SRP72: variants seen among roughly 807,000 people sequenced by gnomAD.
The protein encoded by SRP72 is signal recognition particle 72.
In SRP72, 49 loss-of-function variants were observed where a neutral mutation model predicts 96.3. The ratio of observed to expected loss-of-function variants is 0.51; its 90% CI spans 0.40 to 0.65. The LOEUF is 0.65. Ranked by LOEUF, SRP72 falls within the 30% of genes least tolerant of loss-of-function variation. SRP72 has a pLI of 0.00. For missense variants in SRP72, 736 were observed against 793.3 expected (o/e 0.93, Z 0.87); for synonymous variants, 267 against 275.2 (o/e 0.97, Z 0.30).
At position 56,487,953 on chromosome 4, in the gene SRP72, T is replaced by C; in HGVS notation, c.1164T>C (p.Asn388=). 6.3e-7 allele frequency: 1 copy of C among 1,597,848 alleles called. No individual in the cohort carries two copies. Among genetic ancestry groups the C allele is most frequent in the African/African-American group, 1.3e-5 (1 of 74,164 alleles). ...GATTTTGTTTATTCTCCTAAGGTAATATTTCTAAAGCATGTCTAATATTGA... is the reference window on the plus strand; with the variant it reads ...GATTTTGTTTATTCTCCTAAGGTAACATTTCTAAAGCATGTCTAATATTGA... ...TMAQLKISQG[N]ISKACLILRS... Residue 388 remains asparagine, a synonymous_variant, in exon 12 of 19, where the codon AAT becomes AAC. Coordinates refer to ENST00000642900, the MANE Select transcript of SRP72 (RefSeq NM_006947.4).
chr4:56,497,102 T>A (rs1253126861), intron 17 of SRP72, among the ~76,000 whole-genome samples: 1 of 152,208 alleles, frequency 6.6e-6, no homozygotes, highest in Admixed American at 6.5e-5. Context: ...TATAAAATTG[T>A]TTTGAACATA....
At chr4:56,482,835 C>G (rs986734427) in intron 8 of SRP72, among the ~76,000 whole-genome samples, 1 of 152,090 alleles carries the variant, frequency 6.6e-6, no homozygotes, top group Admixed American at 6.6e-5. Flanking sequence ...TTCTTTAAAG[C>G]AGTTCACTTG....
intron 11 of SRP72, among the ~76,000 whole-genome samples, chr4:56,487,106 C>T (rs559987100): frequency 6.6e-6 from 1 of 152,270 alleles, no homozygotes; most frequent in African/African-American, 2.4e-5. Context: ...ACATTTATAT[C>T]ATCACAAAAA....
At chr4:56,487,288 A>G (rs1352084942) in intron 11 of SRP72, among the ~76,000 whole-genome samples, 1 of 152,162 alleles carries the variant, frequency 6.6e-6, no homozygotes, top group Non-Finnish European at 1.5e-5. Context: ...AATAATGAAA[A>G]TAAGGTTGAG....
chr4:56,479,408 C>T (rs1003766872), intron 8 of SRP72, among the ~76,000 whole-genome samples: 1 of 151,990 alleles, frequency 6.6e-6, no homozygotes, highest in Non-Finnish European at 1.5e-5. Flanking sequence ...CTCATTCTCC[C>T]GACCTCGTGA....
At chr4:56,485,400 C>CA (rs59208269) in intron 10 of SRP72, among the ~76,000 whole-genome samples, 3,694 of 92,300 alleles carry the variant, frequency 0.04, 105 homozygotes, top group African/African-American at 0.093. Context: ...CTCCCCACAG[C>CA]AAAAAAAAAA....
At chr4:56,484,270 G>A (rs1267833785) in intron 9 of SRP72, among the ~76,000 whole-genome samples, 1 of 151,760 alleles carries the variant, frequency 6.6e-6, no homozygotes, top group African/African-American at 2.4e-5. Flanking sequence ...TCCTGACCTC[G>A]TGATCTGCCC....
At position 56,469,734 on chromosome 4, in the gene SRP72, C is replaced by CT. The variant is rs1371504100; in HGVS notation, c.194dup (p.Leu65PhefsTer14). 6.2e-7 allele frequency: 1 copy of CT among 1,612,462 alleles called. No individual in the cohort carries two copies. Among genetic ancestry groups the CT allele is most frequent in the African/African-American group, 1.3e-5 (1 of 74,916 alleles). On this transcript the variant is annotated frameshift_variant, in exon 2 of 19. Coordinates refer to ENST00000642900, the MANE Select transcript of SRP72 (RefSeq NM_006947.4). LOFTEE classifies it high-confidence loss of function. The stretch of plus-strand genomic sequence containing the variant: ...ATCCAGAATGGAAGTTTCAAGGAAG[C>CT]TTTGAATGTCATCAATACTCACACC...
chr4:56,481,147 A>T (rs1472012086), intron 8 of SRP72, among the ~76,000 whole-genome samples: 2 of 152,238 alleles, frequency 1.3e-5, no homozygotes, highest in East Asian at 3.8e-4. Flanking sequence ...ATTGATTTAT[A>T]TGAAAGGCAG....
chr4:56,491,699 G>C (rs1720914126), intron 16 of SRP72, 131 bp downstream of exon 16: 2 of 885,234 alleles, frequency 2.3e-6, no homozygotes, highest in East Asian at 2.7e-5. Flanking sequence ...TTCTCTCACT[G>C]TGCCCAGCTC....
At chr4:56,497,413 G>A (rs1721115812) in intron 17 of SRP72, among the ~76,000 whole-genome samples, 1 of 151,632 alleles carries the variant, frequency 6.6e-6, no homozygotes, top group African/African-American at 2.4e-5. Flanking sequence ...TAGAGACGGG[G>A]TTTCACCATG....
At position 56,500,596 on chromosome 4, in the gene SRP72, T is replaced by C. The variant is rs770285021; in HGVS notation, c.1739T>C (p.Met580Thr). 17 of 1,613,756 alleles carry C rather than the reference T, an allele frequency of 1.1e-5. No homozygotes were observed. Among genetic ancestry groups the C allele is most frequent in the Admixed American group, 1.7e-5 (1 of 59,980 alleles). The change falls in exon 18 of 19, where the codon ATG (methionine) becomes ACG (threonine). Residue 580 changes from methionine to threonine, a missense_variant. This residue lies in a region of SRP72 where 388 missense variants were observed against 431.8 expected (regional missense o/e 0.90). Transcript: ENST00000642900. The part of the protein sequence containing the change: ...VTPDPERWLP[M>T]RERSYYRGRK... ...CCAGATCCAGAAAGATGGCTGCCAATGCGAGAACGTTCTTACTACCGGGGA... is the reference window on the plus strand; with the variant it reads ...CCAGATCCAGAAAGATGGCTGCCAACGCGAGAACGTTCTTACTACCGGGGA...
chr4:56,480,615 A>T (rs1336689887), intron 8 of SRP72, among the ~76,000 whole-genome samples: 4 of 152,172 alleles, frequency 2.6e-5, no homozygotes, highest in African/African-American at 9.7e-5. Context: ...AGCATGTGAG[A>T]TACTAAATAT....
Position 56,478,155 on chromosome 4 carries a change from T to A in SRP72, c.643-224T>A, listed in dbSNP as rs201153427. Reference sequence around the variant, plus strand: ...TCTTCTAGGATCTTTTTGCCTTTTCTTTTTTTTTTTTTTTTCTTTAGATAC... The same window carrying A: ...TCTTCTAGGATCTTTTTGCCTTTTCATTTTTTTTTTTTTTTCTTTAGATAC... On this transcript the variant is annotated intron_variant, in intron 6 of 18. Transcript: ENST00000642900. 0.079 allele frequency among the ~76,000 whole-genome samples: 10,642 copies of A among 134,636 alleles called. 339 individuals are homozygous for A. The highest frequency in any genetic ancestry group is 0.12 in the Middle Eastern group (31 of 258). 88.3% of individuals were successfully genotyped at this position (134,636 alleles called of 152,430 possible). A position where few individuals can be genotyped will look rare whatever the true frequency, so the allele number is the denominator to read the frequency against.
intron 3 of SRP72, among the ~76,000 whole-genome samples, chr4:56,473,533 C>T (rs1440433859): frequency 6.6e-6 from 1 of 151,474 alleles, no homozygotes; most frequent in East Asian, 1.9e-4. Flanking sequence ...CTTTGGGAGG[C>T]TGAGGTGGGC....
chr4:56,491,461 T>C lies in SRP72; in HGVS notation c.1533T>C (p.Ser511=). 1 of 1,613,936 alleles carries C rather than the reference T, an allele frequency of 6.2e-7. No homozygotes were observed. The change falls in exon 16 of 19, where the codon AGT becomes AGC. Residue 511 remains serine, a synonymous_variant. Transcript: ENST00000642900. Reference sequence around the variant, plus strand: ...GTAAACACTTGCCATCGTCAGATAGTATGTCTCTAAAAGTAGATGTTGAGG... The same window carrying C: ...GTAAACACTTGCCATCGTCAGATAGCATGTCTCTAAAAGTAGATGTTGAGG... ...ALSKHLPSSD[S]MSLKVDVEAL... is the part of the protein sequence containing the mutation.
In SRP72 at chr4:56,484,251, G is replaced by T. The variant is rs534321719; in HGVS notation, c.958-485G>T. Among the ~76,000 whole-genome samples the T allele has an allele frequency of 2.2e-3, 338 of 151,846 alleles. 3 individuals are homozygous for T. Among genetic ancestry groups the T allele is most frequent in the African/African-American group, 8.0e-3 (330 of 41,414 alleles). ...GGGTTTCACCATGTTAGCCAGGATG[G>T]TCTTGATCTCCTGACCTCGTGATCT... is the stretch of plus-strand genomic sequence containing the variant. On this transcript the variant is annotated intron_variant, in intron 9 of 18. Coordinates refer to ENST00000642900, the MANE Select transcript of SRP72 (RefSeq NM_006947.4).
At chr4:56,484,935 C>A (rs534677916) in intron 10 of SRP72, 71 bp downstream of exon 10, 27 of 1,512,364 alleles carry the variant, frequency 1.8e-5, no homozygotes, top group Admixed American at 1.4e-4. Context: ...TTGTAATAAC[C>A]TACTAGCATG....
At chr4:56,472,280 T>C (rs1414895063) in intron 3 of SRP72, among the ~76,000 whole-genome samples, 1 of 151,520 alleles carries the variant, frequency 6.6e-6, no homozygotes, top group Non-Finnish European at 1.5e-5. Flanking sequence ...TAATGTAAAA[T>C]AGGGCTGTTA....
Sources: gnomAD v4.1 joint callset for allele counts (sites outside exome capture counted in the v4.1 genomes callset) on GRCh38, gnomAD v4.1.1 for gene constraint, gnomAD v4.1.1 regional missense constraint, MANE v1.5 for transcripts, NCBI Gene and HGNC (gene_info 2026-07-23, HGNC 2026-07-21) for gene names.